The following RGL1 variants were observed in gnomAD, a reference collection of about 807,000 sequenced individuals.
RGL1 encodes ral guanine nucleotide dissociation stimulator like 1.
Under a neutral mutation model 95.2 loss-of-function variants are expected in RGL1, and 24 were observed. The observed-to-expected ratio is 0.25, with a 90% CI of 0.18 to 0.35. The LOEUF (loss-of-function observed/expected upper bound fraction) is 0.35, where lower values mean the gene tolerates loss of function less well. RGL1 is among the 10% of genes least tolerant of loss of function. RGL1 has a pLI of 1.00. For missense variants in RGL1, 715 were observed against 936.3 expected (o/e 0.76, Z 3.08); for synonymous variants, 329 against 344.9 (o/e 0.95, Z 0.51).
chr1:183,904,769 T>G (rs753324581), intron 12 of RGL1, 81 bp from the exon 13 acceptor site: 27 of 1,415,794 alleles, frequency 1.9e-5, no homozygotes, highest in Non-Finnish European at 2.4e-5. Context: ...GTGGTATATT[T>G]TCATGTTGAA....
intron 9 of RGL1, 52 bp downstream of exon 9, chr1:183,892,213 C>A: frequency 7.5e-7 from 1 of 1,334,352 alleles, no homozygotes; most frequent in South Asian, 1.2e-5. Context: ...CTCTGGAATC[C>A]ATTCAAGGAA....
At chr1:183,911,393 G>T (rs1668632683) in intron 14 of RGL1, among the ~76,000 whole-genome samples, 1 of 152,032 alleles carries the variant, frequency 6.6e-6, no homozygotes, top group African/African-American at 2.4e-5. Flanking sequence ...ATATAGTTTT[G>T]GTTCTAACTC....
At position 183,877,646 on chromosome 1, in the gene RGL1, G is replaced by C. The variant is rs140666602; in HGVS notation, c.426-2970G>C. 4.3e-3 allele frequency among the ~76,000 whole-genome samples: 648 copies of C among 152,120 alleles called. 3 individuals are homozygous for C. Among genetic ancestry groups the C allele is most frequent in the Non-Finnish European group, 5.3e-3 (359 of 67,996 alleles). On this transcript the variant is annotated intron_variant, in intron 4 of 17. Transcript: ENST00000360851. Reference sequence around the variant, plus strand: ...TGTCTTTCCCTTTCTCTGTTTCTTCGTCCTCCTCCCCCTTCATTCCTCTTT... The same window carrying C: ...TGTCTTTCCCTTTCTCTGTTTCTTCCTCCTCCTCCCCCTTCATTCCTCTTT...
At chr1:183,837,890 A>G (rs1663778601) in intron 2 of RGL1, among the ~76,000 whole-genome samples, 1 of 152,188 alleles carries the variant, frequency 6.6e-6, no homozygotes, top group Non-Finnish European at 1.5e-5. Flanking sequence ...GCAGTTCACA[A>G]TAGGCTTGGC....
At chr1:183,845,287 G>A (rs1664346038) in intron 2 of RGL1, among the ~76,000 whole-genome samples, 1 of 152,184 alleles carries the variant, frequency 6.6e-6, no homozygotes, top group Admixed American at 6.5e-5. Flanking sequence ...AGTTTCCTTA[G>A]TGCCTATGAA....
intron 2 of RGL1, among the ~76,000 whole-genome samples, chr1:183,833,865 A>C (rs1306341470): frequency 6.6e-6 from 1 of 151,780 alleles, no homozygotes; most frequent in African/African-American, 2.4e-5. Context: ...ACCTGCAGTT[A>C]GTATTTTTAG....
At chr1:183,751,987 T>A (rs1658030526) in intron 2 of RGL1, among the ~76,000 whole-genome samples, 1 of 152,206 alleles carries the variant, frequency 6.6e-6, no homozygotes, top group Non-Finnish European at 1.5e-5. Context: ...CTGGAGCTGT[T>A]CCTATTCGGC....
chr1:183,849,504 T>TTTG (rs1664687929), intron 3 of RGL1, among the ~76,000 whole-genome samples: 1 of 140,716 alleles, frequency 7.1e-6, no homozygotes, highest in Non-Finnish European at 1.5e-5. Flanking sequence ...TTTTTTTTTT[T>TTTG]TTGTTGAGAT....
chr1:183,772,975 G>C (rs911255266), intron 2 of RGL1, among the ~76,000 whole-genome samples: 3 of 127,362 alleles, frequency 2.4e-5, no homozygotes, highest in Non-Finnish European at 4.7e-5. Context: ...TGCCACTGCA[G>C]TCCGCAGTCC....
chr1:183,916,713 G>C lies in RGL1; in HGVS notation c.2004+12G>C. 1 of 1,606,712 alleles carries C rather than the reference G, an allele frequency of 6.2e-7. No individual in the cohort carries two copies. The highest frequency in any genetic ancestry group is 8.5e-7 in the Non-Finnish European group (1 of 1,176,880). On this transcript the variant is annotated intron_variant, in intron 16 of 17. Coordinates refer to ENST00000360851, the MANE Select transcript of RGL1 (RefSeq NM_001297671.3). The stretch of plus-strand genomic sequence containing the variant: ...ACAAGAGCATCATGGTGAGGAGCAA[G>C]CCCTGACCCAGGAGCGGGTTTCCAT...
chr1:183,673,632 T>C (rs1004408737), intron 1 of RGL1, among the ~76,000 whole-genome samples: 1 of 152,240 alleles, frequency 6.6e-6, no homozygotes, highest in African/African-American at 2.4e-5. Flanking sequence ...TTCCTCTTAC[T>C]TCCGTGAGAG....
chr1:183,809,743 C>G (rs555350504), intron 2 of RGL1, among the ~76,000 whole-genome samples: 1 of 152,072 alleles, frequency 6.6e-6, no homozygotes, highest in South Asian at 2.1e-4. Flanking sequence ...GCTGGGAGCT[C>G]AAGACCAGCC....
intron 2 of RGL1, among the ~76,000 whole-genome samples, chr1:183,778,690 T>C (rs540997731): frequency 2.0e-5 from 3 of 152,314 alleles, no homozygotes; most frequent in African/African-American, 7.2e-5. Flanking sequence ...CCAAATTCTC[T>C]GTCCTCAGTC....
intron 2 of RGL1, among the ~76,000 whole-genome samples, chr1:183,778,800 T>C (rs1307016129): frequency 1.3e-5 from 2 of 152,216 alleles, no homozygotes; most frequent in Non-Finnish European, 2.9e-5. Flanking sequence ...TTGACATATT[T>C]TCCCAGATCA....
chr1:183,648,193 C>A, intron 1 of RGL1: 1 of 1,614,156 alleles, frequency 6.2e-7, no homozygotes. Context: ...CTGTGGAGAA[C>A]AGAATGCCAG....
intron 1 of RGL1, among the ~76,000 whole-genome samples, chr1:183,672,063 G>T (rs2102055533): frequency 6.6e-6 from 1 of 151,920 alleles, no homozygotes; most frequent in South Asian, 2.1e-4. Context: ...CTCCTGAGTA[G>T]CTGGGATTAC....
intron 1 of RGL1, among the ~76,000 whole-genome samples, chr1:183,654,242 C>T (rs927966676): frequency 6.6e-6 from 1 of 152,166 alleles, no homozygotes; most frequent in East Asian, 1.9e-4. Context: ...ATGAACTCCT[C>T]AGCTGGTTAT....
Position 183,668,935 on chromosome 1 carries a change from C to CTTTTTTTTTTTTTTTTTTTTTTT in RGL1, c.-33+32438_-33+32439insTTTTTTTTTTTTTTTTTTTTTTT. Among the ~76,000 whole-genome samples the CTTTTTTTTTTTTTTTTTTTTTTT allele has an allele frequency of 2.6e-5, 3 of 115,554 alleles. 1 individual carries two copies. Among genetic ancestry groups the CTTTTTTTTTTTTTTTTTTTTTTT allele is most frequent in the Non-Finnish European group, 5.4e-5 (3 of 55,460 alleles). The allele number at this position is 115,554 out of a possible 152,430, so 75.8% of individuals were successfully genotyped here. On this transcript the variant is annotated intron_variant, in intron 1 of 18. Coordinates refer to the RGL1 transcript ENST00000304685. ...CTTTTTGCTTTTGGTATTGGACTTTCTTTTCTTTTTTTTTTTTTTTGAGAT... is the reference window on the plus strand; with the variant it reads ...CTTTTTGCTTTTGGTATTGGACTTTCTTTTTTTTTTTTTTTTTTTTTTTTTTTCTTTTTTTTTTTTTTTGAGAT...
intron 2 of RGL1, among the ~76,000 whole-genome samples, chr1:183,757,761 T>A (rs1315962433): frequency 6.6e-6 from 1 of 152,236 alleles, no homozygotes; most frequent in Admixed American, 6.5e-5. Flanking sequence ...ATTTTACTCA[T>A]AAGGATTATG....
Sources: allele counts gnomAD v4.1 joint callset (sites outside exome capture counted in the v4.1 genomes callset), GRCh38; gene constraint gnomAD v4.1.1; transcripts MANE v1.5; gene names NCBI Gene and HGNC (gene_info 2026-07-23, HGNC 2026-07-21).